MARCHF3: variants seen among roughly 807,000 people sequenced by gnomAD.
MARCHF3 encodes the protein E3 ubiquitin-protein ligase MARCHF3.
In MARCHF3, 13 loss-of-function variants were observed where a neutral mutation model predicts 24.2. The observed-to-expected ratio is 0.54, with a 90% CI of 0.35 to 0.85. The LOEUF is 0.85. MARCHF3 is among the 40% of genes least tolerant of loss of function. The pLI, the probability that MARCHF3 is intolerant of heterozygous loss-of-function variation, is 0.01. For missense variants in MARCHF3, 276 were observed against 325.0 expected, an observed-to-expected ratio of 0.85 and a Z score of 1.16; for synonymous variants, 144 against 137.3, an observed-to-expected ratio of 1.05 and a Z score of -0.34.
At chr5:126,881,354 G>T (rs1243610520) in intron 3 of MARCHF3, among the ~76,000 whole-genome samples, 1 of 152,176 alleles carries the variant, frequency 6.6e-6, no homozygotes, top group African/African-American at 2.4e-5. Flanking sequence ...TTGTGAGCAA[G>T]ATCAGTAGCA....
chr5:127,021,321 C>T (rs1311766863), intron 1 of MARCHF3, among the ~76,000 whole-genome samples: 2 of 152,104 alleles, frequency 1.3e-5, no homozygotes. Context: ...TGGTTCACAA[C>T]ATGCAAAAAG....
intron 3 of MARCHF3, chr5:126,898,864 T>C (rs931671512): frequency 5.2e-6 from 5 of 969,096 alleles, no homozygotes; most frequent in African/African-American, 3.5e-5. Context: ...AAATAATGAG[T>C]AGAAAACATT....
At chr5:126,919,828 G>GGTCTGC (rs1026395445) in intron 1 of MARCHF3, among the ~76,000 whole-genome samples, 10 of 152,112 alleles carry the variant, frequency 6.6e-5, no homozygotes, top group African/African-American at 2.2e-4. Context: ...GTCCTCTCAG[G>GGTCTGC]GTCTGCGTCT....
intron 1 of MARCHF3, among the ~76,000 whole-genome samples, chr5:126,974,979 A>G (rs1236294012): frequency 6.6e-6 from 1 of 152,214 alleles, no homozygotes; most frequent in Non-Finnish European, 1.5e-5. Flanking sequence ...ATTTATTGAG[A>G]TGGAGTCTCG....
intron 1 of MARCHF3, among the ~76,000 whole-genome samples, chr5:126,932,888 A>AT (rs1173870243): frequency 1.3e-5 from 2 of 152,072 alleles, no homozygotes; most frequent in African/African-American, 2.4e-5. Flanking sequence ...GAATGGTCCT[A>AT]TTTTTTTCTG....
chr5:126,877,505 A>G (rs1247920488), intron 4 of MARCHF3, among the ~76,000 whole-genome samples: 1 of 152,226 alleles, frequency 6.6e-6, no homozygotes, highest in East Asian at 1.9e-4. Context: ...TCAAGCGATC[A>G]ACTTACTGCA....
chr5:127,028,160 C>T (rs570051081), intron 1 of MARCHF3, among the ~76,000 whole-genome samples: 22 of 152,278 alleles, frequency 1.4e-4, no homozygotes, highest in South Asian at 6.2e-4. Flanking sequence ...TCAGTTTATT[C>T]CGCCCATATA....
rs1328364885 is a variant in MARCHF3 at position 127,000,376 on chromosome 5, C to T, written c.-57+29974G>A. 2.6e-5 allele frequency among the ~76,000 whole-genome samples: 4 copies of T among 152,074 alleles called. No homozygotes were observed. The East Asian group carries it at 5.8e-4, about 22-fold the overall frequency. ...ATGTTGGACAGTTCAGTGGGCCTAG[C>T]GTGGCTAAGTTATTCGGTCACTGAG... is the stretch of plus-strand genomic sequence containing the variant. On this transcript the variant is annotated intron_variant, in intron 1 of 4. Transcript: ENST00000308660.
At chr5:126,938,317 G>A (rs1430295073) in intron 1 of MARCHF3, among the ~76,000 whole-genome samples, 1 of 151,780 alleles carries the variant, frequency 6.6e-6, no homozygotes, top group African/African-American at 2.4e-5. Context: ...ACAGATGTGT[G>A]CCACCACACC....
chr5:126,895,369 G>C (rs1753844211), intron 3 of MARCHF3, among the ~76,000 whole-genome samples: 1 of 152,148 alleles, frequency 6.6e-6, no homozygotes, highest in Non-Finnish European at 1.5e-5. Context: ...GCGTTCCTTT[G>C]GAGGAGGAGA....
chr5:126,918,073 T>C lies in MARCHF3; in HGVS notation c.99A>G (p.Leu33=), dbSNP rs1039363189. 3 of 1,614,176 alleles carry C rather than the reference T, an allele frequency of 1.9e-6. No homozygotes were observed. In the East Asian group the frequency reaches 6.7e-5, roughly 36 times the overall value. The change falls in exon 2 of 5, where the codon CTA becomes CTG. Residue 33 remains leucine, a synonymous_variant. Coordinates refer to ENST00000308660, the MANE Select transcript of MARCHF3 (RefSeq NM_178450.5). ...TGACATACTGCGGCTGCCCATTCAC[T>C]AGGCTGCCACAATCCTCCACCGTCT... is the stretch of plus-strand genomic sequence containing the variant. The part of the protein sequence containing the change: ...VVKTVEDCGS[L]VNGQPQYVMQ...
intron 1 of MARCHF3, among the ~76,000 whole-genome samples, chr5:127,017,750 A>T (rs1752677087): frequency 6.6e-6 from 1 of 152,232 alleles, no homozygotes; most frequent in African/African-American, 2.4e-5. Context: ...AACTTGACAT[A>T]ATAAGCTTAT....
chr5:126,877,544 A>C (rs1753197909), intron 4 of MARCHF3, among the ~76,000 whole-genome samples: 1 of 152,258 alleles, frequency 6.6e-6, no homozygotes, highest in African/African-American at 2.4e-5. Flanking sequence ...GAATGAAAAA[A>C]GTGATATGTA....
In MARCHF3 at chr5:126,928,453, T is replaced by C. The variant is rs73783500; in HGVS notation, c.-56-10226A>G. Among the ~76,000 whole-genome samples the C allele has an allele frequency of 8.4e-3, 1,285 of 152,342 alleles. 19 individuals are homozygous for C. Among genetic ancestry groups the C allele is most frequent in the East Asian group, 0.025 (132 of 5,190 alleles). On this transcript the variant is annotated intron_variant, in intron 1 of 4. Transcript: ENST00000308660. ...AAAAATCCAAAAGAAATAGGTTTTT[T>C]TAAATTTAAGTAAAGGAGATTGTCA...
chr5:127,004,369 T>C (rs898024243), intron 1 of MARCHF3, among the ~76,000 whole-genome samples: 3 of 152,138 alleles, frequency 2.0e-5, no homozygotes, highest in South Asian at 4.1e-4. Flanking sequence ...CAGAGCCTGA[T>C]ACTTGTAGAA....
chr5:126,994,022 G>T (rs1003683458), intron 1 of MARCHF3, among the ~76,000 whole-genome samples: 1 of 152,264 alleles, frequency 6.6e-6, no homozygotes, highest in Non-Finnish European at 1.5e-5. Context: ...TAGATATTTA[G>T]GTAAGAGAAA....
intron 1 of MARCHF3, among the ~76,000 whole-genome samples, chr5:126,974,191 C>T (rs1414915521): frequency 2.6e-5 from 4 of 152,124 alleles, no homozygotes; most frequent in African/African-American, 7.2e-5. Flanking sequence ...GCCACCGCGC[C>T]CGGCCGCAAA....
intron 3 of MARCHF3, among the ~76,000 whole-genome samples, chr5:126,897,693 G>A (rs1028387192): frequency 3.3e-5 from 5 of 152,032 alleles, no homozygotes; most frequent in African/African-American, 7.3e-5. Flanking sequence ...AACCATTGAC[G>A]CCTCTGGGCC....
chr5:126,938,110 A>T (rs1014077931), intron 1 of MARCHF3, among the ~76,000 whole-genome samples: 1 of 150,718 alleles, frequency 6.6e-6, no homozygotes, highest in Non-Finnish European at 1.5e-5. Context: ...TGCAATCCAC[A>T]TTTTATTAAC....
Sources: allele counts gnomAD v4.1 joint callset (sites outside exome capture counted in the v4.1 genomes callset), GRCh38; gene constraint gnomAD v4.1.1; transcripts MANE v1.5; gene names NCBI Gene and HGNC (gene_info 2026-07-23, HGNC 2026-07-21).